The following RPH3A variants were observed in gnomAD, a reference collection of about 807,000 sequenced individuals.
RPH3A encodes rabphilin 3A, also known as rabphilin-3A.
A neutral mutation model predicts 102.2 loss-of-function variants in RPH3A; 48 were observed. The ratio of observed to expected loss-of-function variants is 0.47; its 90% CI spans 0.37 to 0.60. The LOEUF (loss-of-function observed/expected upper bound fraction) is 0.60, where lower values mean the gene tolerates loss of function less well. Ranked by LOEUF, RPH3A falls within the 20% of genes least tolerant of loss-of-function variation. The probability of loss-of-function intolerance (pLI) is 0.00; values close to 1 mark genes in which losing one functional copy is unlikely to be tolerated. For synonymous variants in RPH3A, 310 were observed against 324.3 expected (o/e 0.96, Z 0.47); for missense variants, 781 against 910.1 (o/e 0.86, Z 1.83).
intron 1 of RPH3A, among the ~76,000 whole-genome samples, chr12:112,629,465 A>ATT (rs11294395): frequency 7.1e-4 from 60 of 84,014 alleles, no homozygotes; most frequent in African/African-American, 8.7e-4. Context: ...TGCACTTTGC[A>ATT]TTTTTTTTTT....
intron 1 of RPH3A, among the ~76,000 whole-genome samples, chr12:112,727,715 G>A (rs1211048210): frequency 2.6e-5 from 4 of 152,054 alleles, no homozygotes; most frequent in Non-Finnish European, 5.9e-5. Flanking sequence ...TCAGTCTAGG[G>A]ATTAGAAAGA....
At chr12:112,863,382 A>G (rs920960184) in intron 5 of RPH3A, among the ~76,000 whole-genome samples, 19 of 152,192 alleles carry the variant, frequency 1.2e-4, no homozygotes, top group Non-Finnish European at 2.9e-5. Context: ...CAGTGGCACA[A>G]TCTCAACTCA....
At chr12:112,600,958 T>C (rs2039554262) in intron 1 of RPH3A, among the ~76,000 whole-genome samples, 1 of 152,178 alleles carries the variant, frequency 6.6e-6, no homozygotes, top group Admixed American at 6.5e-5. Context: ...GGAGAGAGAA[T>C]GCATGCAAGC....
intron 4 of RPH3A, among the ~76,000 whole-genome samples, chr12:112,843,280 CT>C (rs1474315554): frequency 2.0e-5 from 3 of 152,214 alleles, no homozygotes; most frequent in Non-Finnish European, 4.4e-5. Context: ...TTGTTTCTGT[CT>C]GTTTGCTTCT....
chr12:112,836,189 T>C (rs1053401987), intron 3 of RPH3A, among the ~76,000 whole-genome samples: 5 of 152,224 alleles, frequency 3.3e-5, no homozygotes, highest in Non-Finnish European at 5.9e-5. Context: ...CATGAGATCA[T>C]TCAGTGATTC....
At chr12:112,613,221 G>A (rs901731401) in intron 1 of RPH3A, among the ~76,000 whole-genome samples, 1 of 152,124 alleles carries the variant, frequency 6.6e-6, no homozygotes, top group African/African-American at 2.4e-5. Flanking sequence ...ATTGAAGCCC[G>A]GGACTTTCTA....
chr12:112,660,243 A>G (rs1301642613), intron 1 of RPH3A, among the ~76,000 whole-genome samples: 2 of 152,336 alleles, frequency 1.3e-5, no homozygotes, highest in Non-Finnish European at 2.9e-5. Context: ...ATTGAAAACC[A>G]TAGAACTCTA....
At chr12:112,884,301 G>A (rs1020084043) in intron 16 of RPH3A, among the ~76,000 whole-genome samples, 2 of 152,110 alleles carry the variant, frequency 1.3e-5, no homozygotes, top group Admixed American at 6.6e-5. Flanking sequence ...AAGCACCCCC[G>A]ATGCAAGTTG....
At chr12:112,755,520 A>G (rs1335429069) in intron 1 of RPH3A, among the ~76,000 whole-genome samples, 1 of 152,146 alleles carries the variant, frequency 6.6e-6, no homozygotes, top group Non-Finnish European at 1.5e-5. Flanking sequence ...GCTTTGGCCA[A>G]TTGGATGTTA....
In RPH3A at chr12:112,580,627, C is replaced by T. The variant is rs553559622; in HGVS notation, c.-140+5308C>T. Among the ~76,000 whole-genome samples the T allele has an allele frequency of 5.3e-5, 8 of 151,974 alleles. No individual in the cohort carries two copies. The East Asian group carries it at 1.4e-3, about 26-fold the overall frequency. On this transcript the variant is annotated intron_variant, in intron 1 of 21. Transcript: ENST00000543106. ...TTCACCGTGTAAGCCAGGATGGTCTCGATCTCCTGACCTCGTGATCCGCCC... is the reference window on the plus strand; with the variant it reads ...TTCACCGTGTAAGCCAGGATGGTCTTGATCTCCTGACCTCGTGATCCGCCC...
At chr12:112,814,930 C>T (rs149513873) in intron 2 of RPH3A, among the ~76,000 whole-genome samples, 6 of 152,274 alleles carry the variant, frequency 3.9e-5, no homozygotes, top group East Asian at 1.9e-4. Context: ...CCAAGTGTGG[C>T]GCCATCATTT....
intron 5 of RPH3A, among the ~76,000 whole-genome samples, chr12:112,854,997 A>G (rs2042387608): frequency 6.7e-6 from 1 of 149,872 alleles, no homozygotes. Flanking sequence ...CCTCTTTACC[A>G]CAGTGATCCT....
Position 112,638,394 on chromosome 12 carries a change from C to T in RPH3A, c.-140+63075C>T, listed in dbSNP as rs187339453. ...TACTTGGCACCAGGTGTGTTACTTACGCATATCTTATCCCAATGGCCATAT... is the reference window on the plus strand; with the variant it reads ...TACTTGGCACCAGGTGTGTTACTTATGCATATCTTATCCCAATGGCCATAT... On this transcript the variant is annotated intron_variant, in intron 1 of 21. Transcript: ENST00000543106. 3.1e-3 allele frequency among the ~76,000 whole-genome samples: 475 copies of T among 152,292 alleles called. 4 individuals are homozygous for T. The highest frequency in any genetic ancestry group is 0.011 in the African/African-American group (442 of 41,560).
intron 2 of RPH3A, among the ~76,000 whole-genome samples, chr12:112,797,690 A>C (rs562592039): frequency 6.6e-6 from 1 of 150,764 alleles, no homozygotes; most frequent in African/African-American, 2.5e-5. Context: ...GTGAATGAAA[A>C]AAAAAATTTT....
chr12:112,889,970 A>C (rs2043064800), intron 17 of RPH3A, 54 bp from the exon 18 acceptor site: 5 of 1,538,826 alleles, frequency 3.2e-6, no homozygotes, highest in Non-Finnish European at 4.5e-6. Flanking sequence ...CTTCTTGCGC[A>C]GGAAGATGAG....
chr12:112,721,762 A>G (rs944239933), intron 1 of RPH3A, among the ~76,000 whole-genome samples: 2 of 152,026 alleles, frequency 1.3e-5, no homozygotes, highest in African/African-American at 4.8e-5. Flanking sequence ...TGCATTTGAG[A>G]TATGGCCACA....
chr12:112,738,736 C>T (rs539642740), intron 1 of RPH3A, among the ~76,000 whole-genome samples: 3 of 152,200 alleles, frequency 2.0e-5, no homozygotes, highest in Non-Finnish European at 4.4e-5. Context: ...CGTCCCATCA[C>T]AGCAGAGCAG....
intron 1 of RPH3A, among the ~76,000 whole-genome samples, chr12:112,697,495 T>C (rs1297276901): frequency 6.6e-6 from 1 of 152,184 alleles, no homozygotes; most frequent in African/African-American, 2.4e-5. Context: ...AGATATTCCA[T>C]ACTATGGGTC....
At chr12:112,656,067 G>A (rs915619466) in intron 1 of RPH3A, among the ~76,000 whole-genome samples, 6 of 151,974 alleles carry the variant, frequency 3.9e-5, no homozygotes, top group African/African-American at 1.2e-4. Context: ...ATTAGCTGTC[G>A]ATTTTGTGCA....
Sources: allele counts gnomAD v4.1 joint callset (sites outside exome capture counted in the v4.1 genomes callset), GRCh38; gene constraint gnomAD v4.1.1; transcripts MANE v1.5; gene names NCBI Gene and HGNC (gene_info 2026-07-23, HGNC 2026-07-21).